Variants in DVL3 observed in about 807,000 individuals in gnomAD.
DVL3 encodes segment polarity protein dishevelled homolog DVL-3.
Under a neutral mutation model 67.4 loss-of-function variants are expected in DVL3, and 27 were observed. The ratio of observed to expected loss-of-function variants is 0.40; its 90% CI spans 0.30 to 0.55. The LOEUF (loss-of-function observed/expected upper bound fraction) is 0.55, where lower values mean the gene tolerates loss of function less well. DVL3 is among the 20% of genes least tolerant of loss of function. DVL3 has a pLI of 0.46. For synonymous variants in DVL3, 369 were observed against 396.8 expected (o/e 0.93, Z 0.83); for missense variants, 819 against 1,021.5 (o/e 0.80, Z 2.70).
Position 184,166,644 on chromosome 3 carries a change from G to C in DVL3, c.1019G>C (p.Ser340Thr). The C allele has an allele frequency of 6.2e-7, 1 of 1,614,178 alleles. No individual in the cohort carries two copies. Among genetic ancestry groups the C allele is most frequent in the Non-Finnish European group, 8.5e-7 (1 of 1,180,028 alleles). The stretch of plus-strand genomic sequence containing the variant: ...ACTGTAGCCAAGTGCTGGGACCCAA[G>C]TCCACGTGGTTGCTTCACATTGCCC... ...TLTVAKCWDP[S>T]PRGCFTLPRS... Residue 340 changes from serine (S) to threonine (T), a missense_variant, in exon 10 of 15, where the codon AGT becomes ACT. By Grantham distance (58) the Ser-to-Thr change is moderately conservative. Transcript: ENST00000313143. This position sits in a 1 kb window ranked among gnomAD's most constrained non-coding sequence, Gnocchi z 6.7.
In DVL3 at chr3:184,170,392, C is replaced by T. The variant is rs367640106; in HGVS notation, c.1788C>T (p.Ser596=). 1,584 of 1,604,752 alleles carry T rather than the reference C, an allele frequency of 9.9e-4. 2 individuals carry two copies. The highest frequency in any genetic ancestry group is 1.3e-3 in the Non-Finnish European group (1,477 of 1,175,972). ...RKEKDPKAGD[S]KSGGSGSESD... is the part of the protein sequence containing the mutation. Reference sequence around the variant, plus strand: ...AGAAGGACCCGAAGGCCGGGGACTCCAAGTCCGGGGGCAGCGGCAGCGAAT... The same window carrying T: ...AGAAGGACCCGAAGGCCGGGGACTCTAAGTCCGGGGGCAGCGGCAGCGAAT... The change falls in exon 15 of 15, where the codon TCC becomes TCT. Residue 596 remains serine, a synonymous_variant. Transcript: ENST00000313143. The surrounding 1 kb of genome is among the most constrained non-coding windows in gnomAD (Gnocchi z 6.5).
At position 184,165,507 on chromosome 3, in the gene DVL3, C is replaced by T. The variant is rs769076284; in HGVS notation, c.763+16C>T. 4 of 1,611,296 alleles carry T rather than the reference C, an allele frequency of 2.5e-6. No homozygotes were observed. The highest frequency in any genetic ancestry group is 2.5e-6 in the Non-Finnish European group (3 of 1,177,466). ...CTCAACATGGGTGAGTCTGAGGAAA[C>T]AGCACTCTCAAGCACCTGCTATATG... On this transcript the variant is annotated intron_variant, in intron 7 of 14. Transcript: ENST00000313143. The surrounding 1 kb of genome is among the most constrained non-coding windows in gnomAD (Gnocchi z 4.1).
At position 184,163,956 on chromosome 3, in the gene DVL3, G is replaced by A. The variant is rs551827820; in HGVS notation, c.231+230G>A. Reference sequence around the variant, plus strand: ...GGAAACACACAGTGGAGACAGTAACGTTTCCTATGCCGTTCAGACACTTGC... The same window carrying A: ...GGAAACACACAGTGGAGACAGTAACATTTCCTATGCCGTTCAGACACTTGC... On this transcript the variant is annotated intron_variant, in intron 2 of 14. Transcript: ENST00000313143. This position sits in a 1 kb window ranked among gnomAD's most constrained non-coding sequence, Gnocchi z 4.5. Among the ~76,000 whole-genome samples the A allele has an allele frequency of 6.6e-6, 1 of 152,264 alleles. No homozygotes were observed. Among genetic ancestry groups the A allele is most frequent in the South Asian group, 2.1e-4 (1 of 4,832 alleles).
At position 184,171,888 on chromosome 3, in the gene DVL3, A is replaced by G. The variant is rs1337986217; in HGVS notation, c.*1133A>G. 6.5e-6 allele frequency: 1 copy of G among 153,090 alleles called. No homozygotes were observed. The highest frequency in any genetic ancestry group is 1.5e-5 in the Non-Finnish European group (1 of 68,244). The allele number at this position is 153,090 out of a possible 1,614,324, so 9.5% of individuals were successfully genotyped here. ...TGCATACATGCACAGAGATGCATAC[A>G]CAGGTGCCTATGCAAGTTCATTTAA... On this transcript the variant is annotated 3_prime_UTR_variant, in exon 15 of 15. Coordinates refer to ENST00000313143, the MANE Select transcript of DVL3 (RefSeq NM_004423.4).
At chr3:184,160,142 C>T (rs760670694) in intron 1 of DVL3, among the ~76,000 whole-genome samples, 12 of 147,816 alleles carry the variant, frequency 8.1e-5, no homozygotes, top group Non-Finnish European at 1.8e-4. Context: ...TTAGTAGAGA[C>T]GGGGTTTCAC....
At position 184,163,644 on chromosome 3, in the gene DVL3, C is replaced by T. The variant is rs760647520; in HGVS notation, c.162-13C>T. ...CCTAGAAGGTTCTCTGTGACATCCCCCTTTCTCTGCAGAGTGGTGAAGGAG... is the reference window on the plus strand; with the variant it reads ...CCTAGAAGGTTCTCTGTGACATCCCTCTTTCTCTGCAGAGTGGTGAAGGAG... On this transcript the variant is annotated splice_polypyrimidine_tract_variant and intron_variant, in intron 1 of 14. Transcript: ENST00000313143. The surrounding 1 kb of genome is among the most constrained non-coding windows in gnomAD (Gnocchi z 4.5). 1.2e-6 allele frequency: 2 copies of T among 1,613,508 alleles called. No homozygotes were observed. Among genetic ancestry groups the T allele is most frequent in the Non-Finnish European group, 1.7e-6 (2 of 1,179,618 alleles).
chr3:184,159,434 G>C lies in DVL3; in HGVS notation c.161+3638G>C, dbSNP rs1175875776. Reference sequence around the variant, plus strand: ...GCTGGGGTACAGTGGTGCGACCTTGGCTCACTGCAACCTCTGCCTCCCGGG... The same window carrying C: ...GCTGGGGTACAGTGGTGCGACCTTGCCTCACTGCAACCTCTGCCTCCCGGG... On this transcript the variant is annotated intron_variant, in intron 1 of 14. Coordinates refer to ENST00000313143, the MANE Select transcript of DVL3 (RefSeq NM_004423.4). 2.0e-5 allele frequency among the ~76,000 whole-genome samples: 2 copies of C among 100,454 alleles called. 1 individual carries two copies. Among genetic ancestry groups the C allele is most frequent in the Non-Finnish European group, 4.3e-5 (2 of 45,996 alleles). The allele number at this position is 100,454 out of a possible 152,430, so 65.9% of individuals were successfully genotyped here. A position where few individuals can be genotyped will look rare whatever the true frequency, so the allele number is the denominator to read the frequency against.
chr3:184,155,619 G>A lies in DVL3; in HGVS notation c.-17G>A. 7.4e-7 allele frequency: 1 copy of A among 1,358,726 alleles called. No homozygotes were observed. Among genetic ancestry groups the A allele is most frequent in the South Asian group, 1.7e-5 (1 of 57,502 alleles). 84.2% of individuals were successfully genotyped at this position (1,358,726 alleles called of 1,614,324 possible). On this transcript the variant is annotated 5_prime_UTR_variant, in exon 1 of 15. Coordinates refer to ENST00000313143, the MANE Select transcript of DVL3 (RefSeq NM_004423.4). The surrounding 1 kb of genome is among the most constrained non-coding windows in gnomAD (Gnocchi z 5.4). ...CGAGCAGGCCGCGCGCGGGCCGCCG[G>A]GCCCGAGGCCAGAGCCATGGGCGAG...
In DVL3 at chr3:184,170,117, C is replaced by T. The variant is rs1421667209; in HGVS notation, c.1610C>T (p.Pro537Leu). ...GCCGCCCCTTGGCCCATGGCTTTCC[C>T]GTACCAGTACCCGCCACCCCCGCAC... ...PGAAPWPMAF[P>L]YQYPPPPHPY... The change falls in exon 14 of 15, where the codon CCG becomes CTG. Residue 537 changes from proline to leucine, a missense_variant. Physicochemically the swap from Pro to Leu is moderately conservative, Grantham distance 98. Around this residue, in one of 3 missense-constraint regions of DVL3, gnomAD observed 324 missense variants for 331.3 expected, o/e 0.98. Coordinates refer to ENST00000313143, the MANE Select transcript of DVL3 (RefSeq NM_004423.4). The surrounding 1 kb of genome is among the most constrained non-coding windows in gnomAD (Gnocchi z 6.5). The T allele has an allele frequency of 2.5e-6, 4 of 1,613,802 alleles. No individual in the cohort carries two copies. The highest frequency in any genetic ancestry group is 2.2e-5 in the South Asian group (2 of 91,082).
chr3:184,161,888 C>G (rs1172674730), intron 1 of DVL3, among the ~76,000 whole-genome samples: 1 of 152,176 alleles, frequency 6.6e-6, no homozygotes, highest in African/African-American at 2.4e-5. Context: ...ATCTCAGTTT[C>G]CTTATTCATG....
chr3:184,165,514 C>CT lies in DVL3; in HGVS notation c.763+24dup. On this transcript the variant is annotated intron_variant, in intron 7 of 14. Transcript: ENST00000313143. The surrounding 1 kb of genome is among the most constrained non-coding windows in gnomAD (Gnocchi z 4.1). ...TGGGTGAGTCTGAGGAAACAGCACT[C>CT]TCAAGCACCTGCTATATGCCAGACA... is the stretch of plus-strand genomic sequence containing the variant. The CT allele has an allele frequency of 6.2e-7, 1 of 1,603,946 alleles. No individual in the cohort carries two copies. Among genetic ancestry groups the CT allele is most frequent in the Non-Finnish European group, 8.5e-7 (1 of 1,170,826 alleles).
chr3:184,155,823 G>A lies in DVL3; in HGVS notation c.161+27G>A, dbSNP rs1165093936. Reference sequence around the variant, plus strand: ...TGAGGATGGCCCCCGCCCCGCCTCCGGGAGCCCCGGCCGCTCTGGCTTCTA... The same window carrying A: ...TGAGGATGGCCCCCGCCCCGCCTCCAGGAGCCCCGGCCGCTCTGGCTTCTA... On this transcript the variant is annotated intron_variant, in intron 1 of 14. Transcript: ENST00000313143. The surrounding 1 kb of genome is among the most constrained non-coding windows in gnomAD (Gnocchi z 5.4). 3 of 1,584,226 alleles carry A rather than the reference G, an allele frequency of 1.9e-6. No individual in the cohort carries two copies. Among genetic ancestry groups the A allele is most frequent in the Non-Finnish European group, 1.7e-6 (2 of 1,165,752 alleles).
rs1473077298 is a variant in DVL3, at chr3:184,155,398, C to G, written c.-238C>G. 1.3e-5 allele frequency: 2 copies of G among 151,454 alleles called. No individual in the cohort carries two copies. Among genetic ancestry groups the G allele is most frequent in the African/African-American group, 4.9e-5 (2 of 41,012 alleles). 9.4% of individuals were successfully genotyped at this position (151,454 alleles called of 1,614,324 possible). On this transcript the variant is annotated 5_prime_UTR_variant, in exon 1 of 15. Coordinates refer to ENST00000313143, the MANE Select transcript of DVL3 (RefSeq NM_004423.4). This position sits in a 1 kb window ranked among gnomAD's most constrained non-coding sequence, Gnocchi z 5.4. ...CCCTGGGCCGGGAGGGCCGCGGCCA[C>G]CGGAAGAGTCGCGGTCGCCAGTCCA...
chr3:184,162,560 C>CTTTTTTTTTTTTT (rs35869796), intron 1 of DVL3, among the ~76,000 whole-genome samples: 24 of 123,514 alleles, frequency 1.9e-4, no homozygotes, highest in African/African-American at 2.7e-4. Flanking sequence ...TTTTTCTTTT[C>CTTTTTTTTTTTTT]TTTTTTTTTT....
In DVL3 at chr3:184,165,791, A is replaced by G. The variant is rs1410287507; in HGVS notation, c.763+300A>G. On this transcript the variant is annotated intron_variant, in intron 7 of 14. Coordinates refer to ENST00000313143, the MANE Select transcript of DVL3 (RefSeq NM_004423.4). This position sits in a 1 kb window ranked among gnomAD's most constrained non-coding sequence, Gnocchi z 4.1. ...ATCCTTGCTCTCCGATTTCTGCCCT[A>G]GGTACTCTCTTTATGAGACAGCTGG... Among the ~76,000 whole-genome samples, 1 of 152,202 alleles carries G rather than the reference A, an allele frequency of 6.6e-6. No individual in the cohort carries two copies. The highest frequency in any genetic ancestry group is 6.5e-5 in the Admixed American group (1 of 15,290).
Position 184,164,396 on chromosome 3 carries a change from TGACCTGA to T in DVL3, c.353+10_353+16del. ...CCGACCCCCATCCTTCCAGTGAGTG[TGACCTGA>T]GGGTGGGGAGGGCCGCATCAGTTCA... On this transcript the variant is annotated intron_variant, in intron 3 of 14. Coordinates refer to ENST00000313143, the MANE Select transcript of DVL3 (RefSeq NM_004423.4). The surrounding 1 kb of genome is among the most constrained non-coding windows in gnomAD (Gnocchi z 5.3). 6.2e-7 allele frequency: 1 copy of T among 1,612,824 alleles called. No homozygotes were observed. Among genetic ancestry groups the T allele is most frequent in the Non-Finnish European group, 8.5e-7 (1 of 1,179,330 alleles).
Position 184,165,339 on chromosome 3 carries a change from CG to C in DVL3, c.694-79del. ...AGAACCTTGGGGCTGGGGGCTGCAC[CG>C]GGGACTCACCTTGAGGAGGAGTCAG... On this transcript the variant is annotated intron_variant, in intron 6 of 14. Coordinates refer to ENST00000313143, the MANE Select transcript of DVL3 (RefSeq NM_004423.4). The surrounding 1 kb of genome is among the most constrained non-coding windows in gnomAD (Gnocchi z 4.1). 3 of 1,548,220 alleles carry C rather than the reference CG, an allele frequency of 1.9e-6. No homozygotes were observed. The highest frequency in any genetic ancestry group is 1.7e-5 in the Admixed American group (1 of 57,760).
In DVL3 at chr3:184,167,316, C is replaced by T. The variant is rs1195123552; in HGVS notation, c.1199-264C>T. On this transcript the variant is annotated intron_variant, in intron 11 of 14. Coordinates refer to ENST00000313143, the MANE Select transcript of DVL3 (RefSeq NM_004423.4). The surrounding 1 kb of genome is among the most constrained non-coding windows in gnomAD (Gnocchi z 4.6). ...TGTAAAGTAAGCATTCAGTAAACGG[C>T]AGCCATTTCGATTATCATCACATGC... Among the ~76,000 whole-genome samples the T allele has an allele frequency of 6.6e-6, 1 of 152,210 alleles. No homozygotes were observed. Among genetic ancestry groups the T allele is most frequent in the Non-Finnish European group, 1.5e-5 (1 of 68,046 alleles).
rs1323380967 is a variant in DVL3, at chr3:184,164,394, T to C, written c.353+6T>C. On this transcript the variant is annotated splice_donor_region_variant and intron_variant, in intron 3 of 14. Coordinates refer to ENST00000313143, the MANE Select transcript of DVL3 (RefSeq NM_004423.4). The surrounding 1 kb of genome is among the most constrained non-coding windows in gnomAD (Gnocchi z 5.3). Reference sequence around the variant, plus strand: ...TCCCGACCCCCATCCTTCCAGTGAGTGTGACCTGAGGGTGGGGAGGGCCGC... The same window carrying C: ...TCCCGACCCCCATCCTTCCAGTGAGCGTGACCTGAGGGTGGGGAGGGCCGC... 1 of 1,612,746 alleles carries C rather than the reference T, an allele frequency of 6.2e-7. No homozygotes were observed. Among genetic ancestry groups the C allele is most frequent in the Non-Finnish European group, 8.5e-7 (1 of 1,179,322 alleles).
Sources: gnomAD v4.1 joint callset for allele counts (sites outside exome capture counted in the v4.1 genomes callset) on GRCh38, gnomAD v4.1.1 for gene constraint, gnomAD v4.1.1 regional missense constraint, Gnocchi (gnomAD v3.1) non-coding constraint, MANE v1.5 for transcripts, NCBI Gene and HGNC (gene_info 2026-07-23, HGNC 2026-07-21) for gene names.